The following COCH variants were observed in gnomAD, a reference collection of about 807,000 sequenced individuals.
The protein encoded by COCH is cochlin.
In COCH, 40 loss-of-function variants were observed where a neutral mutation model predicts 54.8. That is an observed-to-expected ratio of 0.73 (90% confidence interval 0.57 to 0.95). The LOEUF (loss-of-function observed/expected upper bound fraction) is 0.95. Ranked by LOEUF, COCH falls within the 40% of genes least tolerant of loss-of-function variation. COCH has a pLI of 0.00. For synonymous variants in COCH, 256 were observed against 237.9 expected, an observed-to-expected ratio of 1.08 and a Z score of -0.70; for missense variants, 605 against 675.0, an observed-to-expected ratio of 0.90 and a Z score of 1.15.
chr14:30,877,824 T>A lies in COCH; in HGVS notation c.239+96T>A. ...GGATCCCTTTCCTCCCTGCATTCTT[T>A]CTTTTGTTGCCATTGTGGCCACAGA... On this transcript the variant is annotated intron_variant, in intron 4 of 11. Coordinates refer to ENST00000396618, the MANE Select transcript of COCH (RefSeq NM_004086.3). This position sits in a 1 kb window ranked among gnomAD's most constrained non-coding sequence, Gnocchi z 8.6. The A allele has an allele frequency of 1.3e-6, 2 of 1,583,730 alleles. No homozygotes were observed. The highest frequency in any genetic ancestry group is 2.3e-5 in the South Asian group (2 of 88,666).
At chr14:30,888,994 T>C (rs1895888572) in intron 11 of COCH, 1 of 152,910 alleles carries the variant, frequency 6.5e-6, no homozygotes. Flanking sequence ...TTTTAGTCAC[T>C]AGTTTTGCTT....
Position 30,889,439 on chromosome 14 carries a change from T to C in COCH, c.1478-177T>C, listed in dbSNP as rs61406161. The C allele has an allele frequency of 6.2e-3, 3,835 of 614,814 alleles. 101 individuals are homozygous for C. The highest frequency in any genetic ancestry group is 0.062 in the African/African-American group (3,363 of 54,390). 38.1% of individuals were successfully genotyped at this position (614,814 alleles called of 1,614,324 possible). On this transcript the variant is annotated intron_variant, in intron 11 of 11. Coordinates refer to ENST00000396618, the MANE Select transcript of COCH (RefSeq NM_004086.3). ...GAGTTTCTGGTTTGGACCACTCTTT[T>C]GCCACTCTCGTCACAATGACTGTGA...
At position 30,877,803 on chromosome 14, in the gene COCH, C is replaced by T. The variant is rs935625595; in HGVS notation, c.239+75C>T. The T allele has an allele frequency of 1.0e-5, 16 of 1,592,354 alleles. No homozygotes were observed. In the Admixed American group the frequency reaches 2.2e-4, roughly 22 times the overall value. On this transcript the variant is annotated intron_variant, in intron 4 of 11. Transcript: ENST00000396618. This position sits in a 1 kb window ranked among gnomAD's most constrained non-coding sequence, Gnocchi z 8.6. Reference sequence around the variant, plus strand: ...CCTTTCCTGCTTTACCCATCTGGATCCCTTTCCTCCCTGCATTCTTTCTTT... The same window carrying T: ...CCTTTCCTGCTTTACCCATCTGGATTCCTTTCCTCCCTGCATTCTTTCTTT...
downstream of COCH, among the ~76,000 whole-genome samples, chr14:30,893,158 T>A (rs897455346): frequency 1.5e-5 from 2 of 132,586 alleles, no homozygotes; most frequent in African/African-American, 5.5e-5. Context: ...AATTTTTTTT[T>A]TTTTTTTTTT....
At chr14:30,889,247 C>G in intron 11 of COCH, 1 of 244,020 alleles carries the variant, frequency 4.1e-6, no homozygotes, top group East Asian at 1.1e-4. Context: ...TTTTCACCAT[C>G]CGCATTTACT....
At position 30,885,777 on chromosome 14, in the gene COCH, T is replaced by C. The variant is rs1895766450; in HGVS notation, c.961-19T>C. The C allele has an allele frequency of 1.2e-6, 2 of 1,613,514 alleles. No individual in the cohort carries two copies. The highest frequency in any genetic ancestry group is 1.1e-5 in the South Asian group (1 of 91,088). On this transcript the variant is annotated intron_variant, in intron 10 of 11. Transcript: ENST00000396618. The stretch of plus-strand genomic sequence containing the variant: ...ACTTTTGATCCTTTTGGATATCTTT[T>C]ATGTGTCTCCCCCATTAGGCTGTCT...
Position 30,883,425 on chromosome 14 carries a change from A to T in COCH, c.630-1128A>T, listed in dbSNP as rs183652406. Among the ~76,000 whole-genome samples the T allele has an allele frequency of 1.9e-4, 29 of 152,380 alleles. 1 individual carries two copies. Among genetic ancestry groups the T allele is most frequent in the African/African-American group, 6.3e-4 (26 of 41,586 alleles). On this transcript the variant is annotated intron_variant, in intron 8 of 11. Coordinates refer to ENST00000396618, the MANE Select transcript of COCH (RefSeq NM_004086.3). ...GAAAGACCATTAGAATAGGTAAACC[A>T]TGTCAAGTTTATATGTATGTAAGTC...
chr14:30,877,451 A>T lies in COCH; in HGVS notation c.83-121A>T. The T allele has an allele frequency of 7.9e-7, 1 of 1,261,788 alleles. No individual in the cohort carries two copies. Among genetic ancestry groups the T allele is most frequent in the Non-Finnish European group, 1.1e-6 (1 of 898,148 alleles). The allele number at this position is 1,261,788 out of a possible 1,614,324, so 78.2% of individuals were successfully genotyped here. On this transcript the variant is annotated intron_variant, in intron 3 of 11. Coordinates refer to ENST00000396618, the MANE Select transcript of COCH (RefSeq NM_004086.3). The surrounding 1 kb of genome is among the most constrained non-coding windows in gnomAD (Gnocchi z 8.6). The stretch of plus-strand genomic sequence containing the variant: ...GGTATGGAAGGGTATATAAGTCAAT[A>T]GTCATAACTAGAAGTGTAGAAATTA...
rs1895399134 is a variant in COCH, at chr14:30,877,371, G to T, written c.83-201G>T. 6 of 615,950 alleles carry T rather than the reference G, an allele frequency of 9.7e-6. No individual in the cohort carries two copies. The highest frequency in any genetic ancestry group is 1.7e-5 in the Non-Finnish European group (6 of 359,686). The allele number at this position is 615,950 out of a possible 1,614,324, so 38.2% of individuals were successfully genotyped here. A position where few individuals can be genotyped will look rare whatever the true frequency, so the allele number is the denominator to read the frequency against. ...ACTTTCACATTAGAGTTTTATAGTG[G>T]CTGGGGACTATATTAAATTGGAAAA... On this transcript the variant is annotated intron_variant, in intron 3 of 11. Coordinates refer to ENST00000396618, the MANE Select transcript of COCH (RefSeq NM_004086.3). The surrounding 1 kb of genome is among the most constrained non-coding windows in gnomAD (Gnocchi z 8.6).
chr14:30,887,099 T>A (rs1895815842), intron 11 of COCH, among the ~76,000 whole-genome samples: 1 of 152,036 alleles, frequency 6.6e-6, no homozygotes, highest in African/African-American at 2.4e-5. Context: ...ACCTATCCCA[T>A]CAAAATTTCC....
At chr14:30,878,746 T>A in intron 4 of COCH, 65 bp from the exon 5 acceptor site, 2 of 1,611,642 alleles carry the variant, frequency 1.2e-6, no homozygotes, top group Non-Finnish European at 1.7e-6. Context: ...AACATGGCAC[T>A]ATAAGTCAGT....
intron 11 of COCH, among the ~76,000 whole-genome samples, chr14:30,888,839 G>A (rs960056377): frequency 6.6e-6 from 1 of 151,692 alleles, no homozygotes; most frequent in Non-Finnish European, 1.5e-5. Context: ...AATTGGGATT[G>A]GGGTGAATCC....
chr14:30,877,681 C>T lies in COCH; in HGVS notation c.192C>T (p.Asn64=), dbSNP rs761955986. 6.2e-7 allele frequency: 1 copy of T among 1,614,224 alleles called. No homozygotes were observed. The highest frequency in any genetic ancestry group is 2.2e-5 in the East Asian group (1 of 44,888). Residue 64 remains asparagine (N), a synonymous_variant, in exon 4 of 12, where the codon AAC becomes AAT. Transcript: ENST00000396618. This position sits in a 1 kb window ranked among gnomAD's most constrained non-coding sequence, Gnocchi z 8.6. ...CPLEEFSVYG[N]IVYASVSSIC... ...TTGAGGAATTCTCTGTGTATGGGAA[C>T]ATAGTATATGCTTCTGTATCGAGCA...
chr14:30,875,198 C>T (rs1310519865), intron 3 of COCH, 95 bp downstream of exon 3: 65 of 1,507,850 alleles, frequency 4.3e-5, no homozygotes, highest in Non-Finnish European at 4.7e-5. Flanking sequence ...GGGCTTCAGC[C>T]CTACCGCCTG....
At position 30,890,020 on chromosome 14, in the gene COCH, G is replaced by A; in HGVS notation, c.*229G>A. 8.1e-7 allele frequency: 1 copy of A among 1,240,692 alleles called. No individual in the cohort carries two copies. The highest frequency in any genetic ancestry group is 1.0e-6 in the Non-Finnish European group (1 of 986,780). The allele number at this position is 1,240,692 out of a possible 1,614,324, so 76.9% of individuals were successfully genotyped here. A position where few individuals can be genotyped will look rare whatever the true frequency, so the allele number is the denominator to read the frequency against. On this transcript the variant is annotated 3_prime_UTR_variant, in exon 12 of 12. Transcript: ENST00000396618. ...TGAGGCTTCATAATCATGGCTCTTAGAAACTCAGGAAAGAGGAGATAATGT... is the reference window on the plus strand; with the variant it reads ...TGAGGCTTCATAATCATGGCTCTTAAAAACTCAGGAAAGAGGAGATAATGT...
Position 30,890,035 on chromosome 14 carries a change from G to A in COCH, c.*244G>A. The A allele has an allele frequency of 2.5e-6, 3 of 1,213,684 alleles. No homozygotes were observed. The highest frequency in any genetic ancestry group is 3.9e-5 in the East Asian group (1 of 25,334). 75.2% of individuals were successfully genotyped at this position (1,213,684 alleles called of 1,614,324 possible). On this transcript the variant is annotated 3_prime_UTR_variant, in exon 12 of 12. Transcript: ENST00000396618. ...ATGGCTCTTAGAAACTCAGGAAAGAGGAGATAATGTGGATTAAAACCTTAA... is the reference window on the plus strand; with the variant it reads ...ATGGCTCTTAGAAACTCAGGAAAGAAGAGATAATGTGGATTAAAACCTTAA...
At chr14:30,883,099 CA>C (rs1281560413) in intron 8 of COCH, among the ~76,000 whole-genome samples, 1 of 151,980 alleles carries the variant, frequency 6.6e-6, no homozygotes, top group Non-Finnish European at 1.5e-5. Context: ...ATAATTTAAC[CA>C]TTTGTCTCTC....
downstream of COCH, chr14:30,894,687 G>T: frequency 5.7e-6 from 1 of 173,994 alleles, no homozygotes; most frequent in Non-Finnish European, 1.2e-5. Context: ...AGCTGTATTA[G>T]GCAAAAGAAG....
At chr14:30,886,626 A>G (rs1438601758) in intron 11 of COCH, among the ~76,000 whole-genome samples, 1 of 152,218 alleles carries the variant, frequency 6.6e-6, no homozygotes, top group Non-Finnish European at 1.5e-5. Flanking sequence ...ATGCTTATAC[A>G]TATACAATTA....
Sources: gnomAD v4.1 joint callset for allele counts (sites outside exome capture counted in the v4.1 genomes callset) on GRCh38, gnomAD v4.1.1 for gene constraint, Gnocchi (gnomAD v3.1) non-coding constraint, MANE v1.5 for transcripts, NCBI Gene and HGNC (gene_info 2026-07-23, HGNC 2026-07-21) for gene names.